RABEP1: variants seen among roughly 807,000 people sequenced by gnomAD.
RABEP1 encodes rabaptin, RAB GTPase binding effector protein 1.
In RABEP1, 51 loss-of-function variants were observed where a neutral mutation model predicts 123.4. That is an observed-to-expected ratio of 0.41 (90% CI 0.33 to 0.52). The LOEUF (loss-of-function observed/expected upper bound fraction) is 0.52, where lower values mean the gene tolerates loss of function less well. Ranked by LOEUF, RABEP1 falls within the 20% of genes least tolerant of loss-of-function variation. The pLI is 0.16. For missense variants in RABEP1, 888 were observed against 996.3 expected, an observed-to-expected ratio of 0.89 and a Z score of 1.46; for synonymous variants, 347 against 355.2, an observed-to-expected ratio of 0.98 and a Z score of 0.26.
Position 5,384,194 on chromosome 17 carries a change from G to A in RABEP1, c.*971G>A, listed in dbSNP as rs1200677131. 4.7e-6 allele frequency: 1 copy of A among 214,964 alleles called. No homozygotes were observed. The highest frequency in any genetic ancestry group is 9.4e-6 in the Non-Finnish European group (1 of 106,806). 13.3% of individuals were successfully genotyped at this position (214,964 alleles called of 1,614,324 possible). ...GTATTTTTCTTTTGAATTCAGACCT[G>A]GAATGTAAGTAAGTGACAATGCTTA... On this transcript the variant is annotated 3_prime_UTR_variant, in exon 18 of 18. Coordinates refer to ENST00000537505, the MANE Select transcript of RABEP1 (RefSeq NM_004703.6).
chr17:5,294,849 C>T (rs1400864661), intron 1 of RABEP1, among the ~76,000 whole-genome samples: 1 of 150,972 alleles, frequency 6.6e-6, no homozygotes, highest in Non-Finnish European at 1.5e-5. Context: ...GGTTTCATCA[C>T]GTTAGCCAGG....
chr17:5,333,701 T>C (rs949299111), intron 3 of RABEP1, among the ~76,000 whole-genome samples: 3 of 152,166 alleles, frequency 2.0e-5, no homozygotes, highest in Admixed American at 6.5e-5. Context: ...AGGTAGATAA[T>C]CTAGGCCTGG....
chr17:5,289,518 C>T (rs2075012908), intron 1 of RABEP1, among the ~76,000 whole-genome samples: 1 of 150,534 alleles, frequency 6.6e-6, no homozygotes, highest in South Asian at 2.1e-4. Flanking sequence ...AAAACCTTAT[C>T]ATTTTCAACA....
intron 5 of RABEP1, among the ~76,000 whole-genome samples, chr17:5,342,105 T>C (rs2144625998): frequency 6.6e-6 from 1 of 152,280 alleles, no homozygotes; most frequent in South Asian, 2.1e-4. Flanking sequence ...TTCAACAATT[T>C]GAAAGTTGTT....
At chr17:5,320,124 G>A (rs946564128) in intron 2 of RABEP1, among the ~76,000 whole-genome samples, 3 of 151,992 alleles carry the variant, frequency 2.0e-5, no homozygotes, top group Non-Finnish European at 4.4e-5. Flanking sequence ...GATCCTAAAA[G>A]TAGCAAGAGA....
chr17:5,348,849 C>G (rs938971978), intron 6 of RABEP1, among the ~76,000 whole-genome samples: 2 of 152,322 alleles, frequency 1.3e-5, no homozygotes, highest in Admixed American at 6.5e-5. Flanking sequence ...GCATGAGCCA[C>G]TGCGCCCGGC....
chr17:5,314,485 G>A (rs1244875778), intron 2 of RABEP1, among the ~76,000 whole-genome samples: 3 of 146,466 alleles, frequency 2.0e-5, no homozygotes, highest in Non-Finnish European at 1.5e-5. Flanking sequence ...TTTCCAAGCC[G>A]ACTTCAACTG....
At position 5,308,703 on chromosome 17, in the gene RABEP1, A is replaced by G. The variant is rs375332590; in HGVS notation, c.44A>G (p.Gln15Arg). 3.1e-6 allele frequency: 5 copies of G among 1,608,382 alleles called. No individual in the cohort carries two copies. In the African/African-American group the frequency reaches 6.7e-5, roughly 22 times the overall value. Residue 15 changes from glutamine (Q) to arginine (R), a missense_variant, in exon 2 of 18, where the codon CAG becomes CGG. Gln to Arg is a conservative substitution (Grantham distance 43, BLOSUM62 1). Transcript: ENST00000537505. ...GPASQPDVSLQQRVAELEKIN... is the reference protein window; with the variant it reads ...GPASQPDVSLRQRVAELEKIN... ...TGTTTTTTTCCCCCAGTTTCTCTTCAGCAACGGGTAGCAGAATTGGAAAAA... is the reference window on the plus strand; with the variant it reads ...TGTTTTTTTCCCCCAGTTTCTCTTCGGCAACGGGTAGCAGAATTGGAAAAA...
intron 5 of RABEP1, among the ~76,000 whole-genome samples, chr17:5,345,573 T>C (rs1277469228): frequency 6.6e-6 from 1 of 152,202 alleles, no homozygotes; most frequent in Non-Finnish European, 1.5e-5. Context: ...AAATCTGCCA[T>C]ACGGACTCTT....
At position 5,380,383 on chromosome 17, in the gene RABEP1, A is replaced by T; in HGVS notation, c.2291A>T (p.Glu764Val). The T allele has an allele frequency of 6.4e-7, 1 of 1,570,090 alleles. No individual in the cohort carries two copies. The highest frequency in any genetic ancestry group is 8.6e-7 in the Non-Finnish European group (1 of 1,156,078). The change falls in exon 16 of 18, where the codon GAG becomes GTG. Residue 764 changes from glutamate (E) to valine (V), a missense_variant. Coordinates refer to ENST00000537505, the MANE Select transcript of RABEP1 (RefSeq NM_004703.6). ...TCACAGTTGGAGTCCACATTAAGAG[A>T]GAAGTCTCAACAGCTTGAGAGTCTT... Reference protein sequence around the residue: ...EKGQLESTLREKSQQLESLQE... With the variant: ...EKGQLESTLRVKSQQLESLQE...
chr17:5,323,349 C>T (rs1463952008), intron 2 of RABEP1, among the ~76,000 whole-genome samples: 1 of 152,106 alleles, frequency 6.6e-6, no homozygotes, highest in Non-Finnish European at 1.5e-5. Flanking sequence ...TTGGAAATTG[C>T]AGCCAGAACA....
chr17:5,360,571 G>A (rs979188941), intron 8 of RABEP1, among the ~76,000 whole-genome samples: 1 of 152,150 alleles, frequency 6.6e-6, no homozygotes, highest in Non-Finnish European at 1.5e-5. Flanking sequence ...CAGAAAAAAA[G>A]AAAATACTAC....
chr17:5,367,423 C>CCAAT (rs1567548011), intron 11 of RABEP1, among the ~76,000 whole-genome samples: 3 of 150,760 alleles, frequency 2.0e-5, no homozygotes, highest in Non-Finnish European at 3.0e-5. Flanking sequence ...AGGCACCCGC[C>CCAAT]ACCACGCCCG....
intron 1 of RABEP1, among the ~76,000 whole-genome samples, chr17:5,305,785 C>T (rs764786686): frequency 2.0e-5 from 3 of 152,192 alleles, no homozygotes; most frequent in Non-Finnish European, 4.4e-5. Flanking sequence ...GAACAGATTT[C>T]TTTCATGATT....
chr17:5,344,632 C>T (rs1396101778), intron 5 of RABEP1, among the ~76,000 whole-genome samples: 8 of 151,608 alleles, frequency 5.3e-5, no homozygotes, highest in Non-Finnish European at 8.8e-5. Context: ...ATTAGCCGGG[C>T]GTGGTGGCGG....
intron 11 of RABEP1, 54 bp from the exon 12 acceptor site, chr17:5,368,315 AG>A: frequency 4.2e-6 from 5 of 1,181,078 alleles, no homozygotes; most frequent in Non-Finnish European, 6.2e-6. Flanking sequence ...TGGAAGAGTT[AG>A]TTTCAGAATA....
chr17:5,360,188 A>G lies in RABEP1; in HGVS notation c.1096-1020A>G, dbSNP rs116743226. ...GTTCTGGACATTTTAAATAGATGGA[A>G]TTACATAATATGTGACTTTTTGCAT... On this transcript the variant is annotated intron_variant, in intron 8 of 17. Transcript: ENST00000537505. Among the ~76,000 whole-genome samples, 1,011 of 152,352 alleles carry G rather than the reference A, an allele frequency of 6.6e-3. 12 individuals carry two copies. Among genetic ancestry groups the G allele is most frequent in the African/African-American group, 0.023 (951 of 41,580 alleles).
intron 12 of RABEP1, 96 bp from the exon 13 acceptor site, chr17:5,373,218 A>G: frequency 1.7e-6 from 2 of 1,194,692 alleles, no homozygotes; most frequent in South Asian, 1.7e-5. Flanking sequence ...GTCCATCCTC[A>G]GCACTCCTTT....
intron 6 of RABEP1, among the ~76,000 whole-genome samples, chr17:5,348,701 C>T (rs544059836): frequency 5.3e-5 from 8 of 152,128 alleles, no homozygotes; most frequent in South Asian, 2.1e-4. Flanking sequence ...GCTGGGACTA[C>T]GGATGCCCAC....
Sources: gnomAD v4.1 joint callset for allele counts (sites outside exome capture counted in the v4.1 genomes callset) on GRCh38, gnomAD v4.1.1 for gene constraint, MANE v1.5 for transcripts, NCBI Gene and HGNC (gene_info 2026-07-23, HGNC 2026-07-21) for gene names.